XYLT1: variants seen among roughly 807,000 people sequenced by gnomAD.
XYLT1 encodes xylosyltransferase 1, also known as beta-D-xylosyltransferase 1.
A neutral mutation model predicts 91.3 loss-of-function variants in XYLT1; 36 were observed. That is an observed-to-expected ratio of 0.39 (90% confidence interval 0.30 to 0.52). The LOEUF is 0.52. XYLT1 is among the 20% of genes least tolerant of loss of function. The probability of loss-of-function intolerance (pLI) is 0.68; values close to 1 mark genes in which losing one functional copy is unlikely to be tolerated. For missense variants in XYLT1, 1,242 were observed against 1,284.5 expected (o/e 0.97, Z 0.51); for synonymous variants, 588 against 532.0 (o/e 1.11, Z -1.45).
intron 9 of XYLT1, among the ~76,000 whole-genome samples, chr16:17,131,484 A>G (rs2030474352): frequency 1.3e-5 from 2 of 152,218 alleles, no homozygotes; most frequent in African/African-American, 4.8e-5. Flanking sequence ...GTTCAGCTCC[A>G]TGGACCTCCA....
At chr16:17,139,449 A>G (rs769790528) in intron 7 of XYLT1, among the ~76,000 whole-genome samples, 5 of 152,134 alleles carry the variant, frequency 3.3e-5, no homozygotes, top group South Asian at 4.1e-4. Context: ...GGGCAGAGAA[A>G]GCACACACAC....
At position 17,259,396 on chromosome 16, in the gene XYLT1, C is replaced by T. The variant is rs555250349; in HGVS notation, c.505G>A (p.Ala169Thr). Residue 169 changes from alanine to threonine, a missense_variant, in exon 3 of 12, where the codon GCA becomes ACA. Coordinates refer to ENST00000261381, the MANE Select transcript of XYLT1 (RefSeq NM_022166.4). The part of the protein sequence containing the change: ...DFENVDNSNF[A>T]PRTQKQKHQP... ...TGCTTCTGCTTTTGAGTCCTGGGTG[C>T]GAAGTTGCTGTTGTCGACATTCTCA... 9 of 1,614,080 alleles carry T rather than the reference C, an allele frequency of 5.6e-6. No homozygotes were observed. Among genetic ancestry groups the T allele is most frequent in the African/African-American group, 5.3e-5 (4 of 74,996 alleles).
chr16:17,109,365 T>C (rs1966822930), intron 11 of XYLT1, among the ~76,000 whole-genome samples: 1 of 152,204 alleles, frequency 6.6e-6, no homozygotes, highest in African/African-American at 2.4e-5. Flanking sequence ...ACACCCATGA[T>C]CTGCAAGGCA....
At chr16:17,374,340 T>C (rs2035570224) in intron 1 of XYLT1, among the ~76,000 whole-genome samples, 1 of 152,122 alleles carries the variant, frequency 6.6e-6, no homozygotes, top group Non-Finnish European at 1.5e-5. Context: ...TTGAGTCTTA[T>C]CCAAAGAGCA....
chr16:17,469,288 T>TC (rs2036945282), intron 1 of XYLT1, among the ~76,000 whole-genome samples: 1 of 152,208 alleles, frequency 6.6e-6, no homozygotes, highest in African/African-American at 2.4e-5. Flanking sequence ...CCTGAAACCA[T>TC]CCCCCTGGTG....
At chr16:17,447,285 T>C (rs1183554750) in intron 1 of XYLT1, among the ~76,000 whole-genome samples, 1 of 152,142 alleles carries the variant, frequency 6.6e-6, no homozygotes, top group East Asian at 1.9e-4. Context: ...TGGGTGCCTG[T>C]AGCCTGGGAG....
At chr16:17,148,707 G>A (rs1237164081) in intron 6 of XYLT1, among the ~76,000 whole-genome samples, 3 of 152,178 alleles carry the variant, frequency 2.0e-5, no homozygotes, top group Non-Finnish European at 4.4e-5. Context: ...AGGTCTAGCT[G>A]GATCCAATGC....
intron 6 of XYLT1, among the ~76,000 whole-genome samples, chr16:17,145,941 C>G (rs542684289): frequency 1.3e-5 from 2 of 152,320 alleles, no homozygotes; most frequent in African/African-American, 4.8e-5. Context: ...TTTATTCTCA[C>G]TACAACACAC....
At chr16:17,136,990 C>A (rs1403657606) in intron 8 of XYLT1, among the ~76,000 whole-genome samples, 4 of 152,122 alleles carry the variant, frequency 2.6e-5, no homozygotes, top group African/African-American at 4.8e-5. Context: ...CATGGGAATT[C>A]ATTGAATAGG....
At chr16:17,451,510 G>A (rs534207460) in intron 1 of XYLT1, among the ~76,000 whole-genome samples, 9 of 152,144 alleles carry the variant, frequency 5.9e-5, no homozygotes, top group Non-Finnish European at 1.2e-4. Context: ...CCCAGCTCCC[G>A]TGCAGTGACT....
intron 2 of XYLT1, among the ~76,000 whole-genome samples, chr16:17,333,438 G>A (rs1204444757): frequency 1.3e-5 from 2 of 152,130 alleles, no homozygotes; most frequent in African/African-American, 4.8e-5. Flanking sequence ...GTAACCCTGT[G>A]TGGCTGGTGG....
chr16:17,111,504 C>A (rs1463337668), intron 11 of XYLT1, among the ~76,000 whole-genome samples: 1 of 152,174 alleles, frequency 6.6e-6, no homozygotes, highest in East Asian at 1.9e-4. Context: ...CAAGATAATG[C>A]AGTGTTCAGA....
chr16:17,347,922 C>T (rs995713127), intron 2 of XYLT1, among the ~76,000 whole-genome samples: 1 of 152,166 alleles, frequency 6.6e-6, no homozygotes, highest in Non-Finnish European at 1.5e-5. Context: ...ACCACGGAGA[C>T]AGTAGCTGCA....
At chr16:17,340,574 G>A (rs963311420) in intron 2 of XYLT1, among the ~76,000 whole-genome samples, 7 of 152,316 alleles carry the variant, frequency 4.6e-5, no homozygotes, top group Non-Finnish European at 7.3e-5. Context: ...AGAGTTCTGC[G>A]TAGGTCCAAA....
At chr16:17,338,365 T>A (rs1308022606) in intron 2 of XYLT1, 1 of 456,522 alleles carries the variant, frequency 2.2e-6, no homozygotes, top group Non-Finnish European at 4.4e-6. Context: ...GTGCCTGCCT[T>A]ATCAGTCCCA....
intron 2 of XYLT1, among the ~76,000 whole-genome samples, chr16:17,282,994 G>A (rs529441282): frequency 3.2e-4 from 49 of 151,676 alleles, no homozygotes; most frequent in Non-Finnish European, 4.7e-4. Flanking sequence ...TAAGCAGCTC[G>A]TTCAGAGCAT....
At chr16:17,420,336 C>T (rs1039685015) in intron 1 of XYLT1, among the ~76,000 whole-genome samples, 4 of 152,112 alleles carry the variant, frequency 2.6e-5, no homozygotes, top group Non-Finnish European at 4.4e-5. Flanking sequence ...GCAACAGAAA[C>T]GTGCTACGCT....
At chr16:17,327,660 G>T (rs2034833159) in intron 2 of XYLT1, among the ~76,000 whole-genome samples, 1 of 141,340 alleles carries the variant, frequency 7.1e-6, no homozygotes, top group Non-Finnish European at 1.5e-5. Context: ...GGGATTACAG[G>T]TGTGAGCCAC....
intron 4 of XYLT1, among the ~76,000 whole-genome samples, chr16:17,200,055 T>C (rs996751752): frequency 1.4e-4 from 21 of 151,420 alleles, no homozygotes; most frequent in African/African-American, 5.1e-4. Context: ...ACCTTGTCTC[T>C]ACTAAAAATA....
Sources: allele counts gnomAD v4.1 joint callset (sites outside exome capture counted in the v4.1 genomes callset), GRCh38; gene constraint gnomAD v4.1.1; transcripts MANE v1.5; gene names NCBI Gene and HGNC (gene_info 2026-07-23, HGNC 2026-07-21).